The following ATP2C2 variants were observed in gnomAD, a reference collection of about 807,000 sequenced individuals.
ATP2C2 encodes the protein calcium-transporting ATPase type 2C member 2.
ATP2C2 carries 171 observed loss-of-function variants against 110.8 expected under a neutral mutation model. That is an observed-to-expected ratio of 1.54 (90% CI 1.36 to 1.75). The LOEUF (loss-of-function observed/expected upper bound fraction) is 1.75, where lower values mean the gene tolerates loss of function less well. Among genes scored for constraint, ATP2C2 ranks in the 40% most tolerant of loss-of-function variants. The pLI, the probability that ATP2C2 is intolerant of heterozygous loss-of-function variation, is 0.00. For missense variants in ATP2C2, 1,963 were observed against 1,235.0 expected, an observed-to-expected ratio of 1.59 and a Z score of -8.84; for synonymous variants, 804 against 508.4, an observed-to-expected ratio of 1.58 and a Z score of -7.82.
intron 26 of ATP2C2, chr16:84,462,523 G>C: frequency 5.7e-6 from 1 of 173,940 alleles, no homozygotes; most frequent in Non-Finnish European, 1.2e-5. Flanking sequence ...TAGAGATCTG[G>C]TCACCTGAAG....
chr16:84,392,222 A>G (rs1242068259), intron 1 of ATP2C2, among the ~76,000 whole-genome samples: 4 of 152,186 alleles, frequency 2.6e-5, no homozygotes, highest in South Asian at 2.1e-4. Context: ...CTAGCATTTC[A>G]TCTATAAATA....
intron 1 of ATP2C2, among the ~76,000 whole-genome samples, chr16:84,380,742 G>T (rs1910531250): frequency 6.6e-6 from 1 of 152,158 alleles, no homozygotes; most frequent in Non-Finnish European, 1.5e-5. Context: ...TTGTTCTTCT[G>T]TACAATGGGG....
intron 6 of ATP2C2, among the ~76,000 whole-genome samples, chr16:84,413,930 C>G (rs1203541837): frequency 6.6e-6 from 1 of 152,142 alleles, no homozygotes; most frequent in Non-Finnish European, 1.5e-5. Context: ...ACCTCACATT[C>G]CTACCAAGGG....
intron 1 of ATP2C2, among the ~76,000 whole-genome samples, chr16:84,391,893 C>G (rs1904684601): frequency 6.6e-6 from 1 of 151,918 alleles, no homozygotes; most frequent in Admixed American, 6.6e-5. Flanking sequence ...CCCTCCCCTC[C>G]CTTCATCTTT....
At position 84,398,499 on chromosome 16, in the gene ATP2C2, A is replaced by G; in HGVS notation, c.100A>G (p.Ile34Val). ...AACAGCAACCCTGCTCTTTTCACAG[A>G]TTGATGAACAGAGTGAGCTGAAAGC... ...ALEKDEEEAL[I>V]DEQSELKAIE... The change falls in exon 2 of 27, where the codon ATT (isoleucine) becomes GTT (valine). Residue 34 changes from isoleucine to valine, a missense_variant and splice_region_variant. Ile to Val is a conservative substitution (Grantham distance 29). Transcript: ENST00000262429. 2 of 1,601,556 alleles carry G rather than the reference A, an allele frequency of 1.2e-6. No individual in the cohort carries two copies. The highest frequency in any genetic ancestry group is 1.7e-6 in the Non-Finnish European group (2 of 1,175,572).
At chr16:84,453,445 G>C in intron 20 of ATP2C2, 74 bp downstream of exon 20, 1 of 1,584,822 alleles carries the variant, frequency 6.3e-7, no homozygotes, top group Non-Finnish European at 8.7e-7. Context: ...AGGAGCTCAT[G>C]CGTCCGTCGG....
chr16:84,378,475 A>T (rs1910381285), intron 1 of ATP2C2, among the ~76,000 whole-genome samples: 1 of 152,190 alleles, frequency 6.6e-6, no homozygotes, highest in Non-Finnish European at 1.5e-5. Flanking sequence ...TTTTTGTGGA[A>T]GCTGTGTTGG....
intron 6 of ATP2C2, among the ~76,000 whole-genome samples, chr16:84,412,466 GTGTGTCTGTGCA>G (rs1567705357): frequency 6.7e-6 from 1 of 148,894 alleles, no homozygotes; most frequent in African/African-American, 2.5e-5. Flanking sequence ...GTCTCCGTGT[GTGTGTCTGTGCA>G]TGTGTATGTG....
intron 23 of ATP2C2, chr16:84,459,926 T>C (rs2150597041): frequency 3.6e-6 from 1 of 275,224 alleles, no homozygotes; most frequent in Non-Finnish European, 7.1e-6. Flanking sequence ...CCACTTAATA[T>C]CCCCTTCAAC....
In ATP2C2 at chr16:84,453,240, G is replaced by A; in HGVS notation, c.1929+5G>A. 1.9e-6 allele frequency: 3 copies of A among 1,614,032 alleles called. No individual in the cohort carries two copies. The highest frequency in any genetic ancestry group is 2.5e-6 in the Non-Finnish European group (3 of 1,179,934). On this transcript the variant is annotated splice_donor_5th_base_variant and intron_variant, in intron 19 of 26. Coordinates refer to ENST00000262429, the MANE Select transcript of ATP2C2 (RefSeq NM_014861.4). The stretch of plus-strand genomic sequence containing the variant: ...CTGGCCGACCGCGTGGGGAAGGTGG[G>A]TCCCCGGAGGCTTGGCTGGCAGTGG...
chr16:84,400,388 G>A (rs867778514), intron 2 of ATP2C2, among the ~76,000 whole-genome samples: 3 of 150,692 alleles, frequency 2.0e-5, no homozygotes, highest in Non-Finnish European at 4.4e-5. Context: ...GTGCGGTGGC[G>A]CGATCTCTGC....
intron 12 of ATP2C2, 55 bp downstream of exon 12, chr16:84,439,345 C>A (rs1394486220): frequency 1.2e-6 from 2 of 1,613,188 alleles, no homozygotes; most frequent in East Asian, 4.5e-5. Flanking sequence ...GGGGGCTTGG[C>A]TGTCAGGGCA....
chr16:84,415,408 T>A, intron 6 of ATP2C2, 75 bp from the exon 7 acceptor site: 1 of 1,229,406 alleles, frequency 8.1e-7, no homozygotes, highest in South Asian at 1.2e-5. Flanking sequence ...TCTATTCTCC[T>A]TGTTCAAATG....
chr16:84,379,800 G>C (rs1179829388), intron 1 of ATP2C2, among the ~76,000 whole-genome samples: 1 of 152,198 alleles, frequency 6.6e-6, no homozygotes, highest in Non-Finnish European at 1.5e-5. Context: ...TTCTGGTAGG[G>C]AAGGAAGATG....
chr16:84,393,994 A>T (rs1904817352), intron 1 of ATP2C2, among the ~76,000 whole-genome samples: 1 of 146,780 alleles, frequency 6.8e-6, no homozygotes, highest in South Asian at 2.2e-4. Flanking sequence ...TGTCTCAATT[A>T]AAAATACCAA....
At chr16:84,423,843 T>A (rs1373811326) in intron 10 of ATP2C2, among the ~76,000 whole-genome samples, 3 of 152,230 alleles carry the variant, frequency 2.0e-5, no homozygotes, top group Non-Finnish European at 2.9e-5. Flanking sequence ...CTAAGCAGGC[T>A]GTTCCTGGAC....
intron 4 of ATP2C2, among the ~76,000 whole-genome samples, chr16:84,409,495 G>C (rs1906078771): frequency 6.6e-6 from 1 of 152,022 alleles, no homozygotes; most frequent in African/African-American, 2.4e-5. Flanking sequence ...TTTGTATCTG[G>C]CTTCTCCTGA....
chr16:84,409,106 G>C (rs1173901379), intron 4 of ATP2C2, among the ~76,000 whole-genome samples: 1 of 152,128 alleles, frequency 6.6e-6, no homozygotes, highest in Non-Finnish European at 1.5e-5. Flanking sequence ...TTCTGGATAT[G>C]TCACTGAAAT....
At chr16:84,373,571 A>C (rs889759133) in intron 1 of ATP2C2, among the ~76,000 whole-genome samples, 1 of 152,236 alleles carries the variant, frequency 6.6e-6, no homozygotes, top group African/African-American at 2.4e-5. Flanking sequence ...ATGAGGTCTC[A>C]TAACTTCTGC....
Sources: allele counts gnomAD v4.1 joint callset (sites outside exome capture counted in the v4.1 genomes callset), GRCh38; gene constraint gnomAD v4.1.1; transcripts MANE v1.5; gene names NCBI Gene and HGNC (gene_info 2026-07-23, HGNC 2026-07-21).